ARFGAP3: variants seen among roughly 807,000 people sequenced by gnomAD.
ARFGAP3 encodes ARF GTPase activating protein 3.
ARFGAP3 carries 72 observed loss-of-function variants against 75.0 expected under a neutral mutation model. That is an observed-to-expected ratio of 0.96 (90% CI 0.79 to 1.17). The LOEUF (loss-of-function observed/expected upper bound fraction) is 1.17, where lower values mean the gene tolerates loss of function less well. ARFGAP3 is among the 50% of genes most tolerant of loss of function. The pLI, the probability that ARFGAP3 is intolerant of heterozygous loss-of-function variation, is 0.00. For synonymous variants in ARFGAP3, 221 were observed against 217.9 expected (o/e 1.01, Z -0.13); for missense variants, 620 against 626.6 (o/e 0.99, Z 0.11).
chr22:42,827,772 G>A (rs1487765746), intron 6 of ARFGAP3, among the ~76,000 whole-genome samples: 1 of 152,086 alleles, frequency 6.6e-6, no homozygotes, highest in Admixed American at 6.5e-5. Context: ...AAGTGATCCT[G>A]GTTAGCAACT....
At chr22:42,823,614 C>G (rs1481479775) in intron 8 of ARFGAP3, 42 bp downstream of exon 8, 1 of 1,403,166 alleles carries the variant, frequency 7.1e-7, no homozygotes, top group East Asian at 2.5e-5. Context: ...AGTTTTAAAG[C>G]TTAACTACCA....
At chr22:42,798,296 A>G (rs1924694699) in intron 15 of ARFGAP3, among the ~76,000 whole-genome samples, 1 of 152,184 alleles carries the variant, frequency 6.6e-6, no homozygotes, top group Non-Finnish European at 1.5e-5. Flanking sequence ...CCCTCCTTGA[A>G]CTGCAGCTAG....
intron 9 of ARFGAP3, among the ~76,000 whole-genome samples, chr22:42,818,824 G>GTTTTTTTTTTTTTTTGTTTT (rs377718720): frequency 7.2e-6 from 1 of 138,446 alleles, no homozygotes; most frequent in Non-Finnish European, 1.6e-5. Context: ...ATTTCTTTCT[G>GTTTTTTTTTTTTTTTGTTTT]TTTTTTGAAA....
At chr22:42,828,776 C>T (rs1313877373) in intron 6 of ARFGAP3, among the ~76,000 whole-genome samples, 4 of 150,982 alleles carry the variant, frequency 2.6e-5, no homozygotes, top group Admixed American at 6.6e-5. Flanking sequence ...CCTCCGCCTC[C>T]CAGGTTCAAG....
chr22:42,846,323 G>C (rs1459916116), intron 2 of ARFGAP3, among the ~76,000 whole-genome samples: 1 of 152,226 alleles, frequency 6.6e-6, no homozygotes. Flanking sequence ...CCTGTGGCAG[G>C]TGACAGGCAG....
intron 9 of ARFGAP3, among the ~76,000 whole-genome samples, chr22:42,819,226 C>T (rs977719890): frequency 6.6e-6 from 1 of 152,212 alleles, no homozygotes; most frequent in South Asian, 2.1e-4. Context: ...ACTCTTCCTA[C>T]AGAACAGGTT....
intron 2 of ARFGAP3, among the ~76,000 whole-genome samples, chr22:42,842,424 G>A (rs1010241174): frequency 4.0e-5 from 6 of 150,078 alleles, no homozygotes; most frequent in African/African-American, 1.5e-4. Context: ...GGGATTACAG[G>A]TGTGAGCCAC....
intron 14 of ARFGAP3, among the ~76,000 whole-genome samples, chr22:42,800,359 A>T (rs1400267515): frequency 6.6e-6 from 1 of 152,106 alleles, no homozygotes; most frequent in African/African-American, 2.4e-5. Context: ...GTGAAACCCC[A>T]TCTCTACTAA....
chr22:42,801,852 A>AG (rs1305276994), intron 14 of ARFGAP3, among the ~76,000 whole-genome samples: 13 of 151,922 alleles, frequency 8.6e-5, no homozygotes, highest in African/African-American at 3.1e-4. Context: ...AGAGTGGTGC[A>AG]AGGGGGCCTA....
At chr22:42,854,046 A>C (rs1927393595) in intron 1 of ARFGAP3, among the ~76,000 whole-genome samples, 1 of 152,200 alleles carries the variant, frequency 6.6e-6, no homozygotes, top group Non-Finnish European at 1.5e-5. Context: ...CACAATGGGG[A>C]CTGGATCCCA....
chr22:42,823,452 TTAAA>T (rs1925899184), intron 8 of ARFGAP3, among the ~76,000 whole-genome samples, 200 bp downstream of exon 8: 2 of 152,260 alleles, frequency 1.3e-5, no homozygotes, highest in South Asian at 4.1e-4. Flanking sequence ...AGAAAAAATG[TTAAA>T]TAATCATTCT....
intron 12 of ARFGAP3, among the ~76,000 whole-genome samples, chr22:42,809,680 T>G (rs1468689689): frequency 1.3e-5 from 2 of 151,992 alleles, no homozygotes; most frequent in Non-Finnish European, 1.5e-5. Flanking sequence ...AAAAGATGAA[T>G]TTTACTATAT....
At chr22:42,813,380 G>T (rs1925452013) in intron 11 of ARFGAP3, among the ~76,000 whole-genome samples, 1 of 152,136 alleles carries the variant, frequency 6.6e-6, no homozygotes, top group Non-Finnish European at 1.5e-5. Flanking sequence ...GGAAGAGGGG[G>T]GTCAGCACTG....
At chr22:42,818,643 A>G (rs1925681853) in intron 9 of ARFGAP3, among the ~76,000 whole-genome samples, 1 of 152,010 alleles carries the variant, frequency 6.6e-6, no homozygotes, top group South Asian at 2.1e-4. Flanking sequence ...GTGAGACAGC[A>G]CAACATTTCA....
intron 3 of ARFGAP3, among the ~76,000 whole-genome samples, chr22:42,840,230 C>T (rs570415045): frequency 6.6e-6 from 1 of 152,158 alleles, no homozygotes; most frequent in African/African-American, 2.4e-5. Flanking sequence ...CCGTGCCCAG[C>T]TGGGGATCTT....
chr22:42,849,300 T>C (rs1927161811), intron 1 of ARFGAP3, among the ~76,000 whole-genome samples: 1 of 152,172 alleles, frequency 6.6e-6, no homozygotes. Flanking sequence ...TACAGAGAGA[T>C]ATTCCTTTAT....
At chr22:42,854,486 G>A (rs758594955) in intron 1 of ARFGAP3, among the ~76,000 whole-genome samples, 14 of 152,126 alleles carry the variant, frequency 9.2e-5, no homozygotes, top group South Asian at 2.1e-4. Context: ...TTAGCCATGC[G>A]TGATGGCACA....
chr22:42,816,267 C>T (rs1256198543), intron 11 of ARFGAP3, among the ~76,000 whole-genome samples: 1 of 152,214 alleles, frequency 6.6e-6, no homozygotes, highest in South Asian at 2.1e-4. Context: ...CCTCACACAA[C>T]CCTATTGGGT....
At chr22:42,849,413 C>G (rs993791615) in intron 1 of ARFGAP3, among the ~76,000 whole-genome samples, 3 of 152,226 alleles carry the variant, frequency 2.0e-5, no homozygotes, top group African/African-American at 7.2e-5. Flanking sequence ...TCCCTGCCCA[C>G]TGAGGGCACT....
Sources: gnomAD v4.1 joint callset for allele counts (sites outside exome capture counted in the v4.1 genomes callset) on GRCh38, gnomAD v4.1.1 for gene constraint, MANE v1.5 for transcripts, NCBI Gene and HGNC (gene_info 2026-07-23, HGNC 2026-07-21) for gene names.